Variants in ABCA13 observed in about 807,000 individuals in gnomAD.
ABCA13 encodes ATP-binding cassette sub-family A member 13.
ABCA13 carries 476 observed loss-of-function variants against 478.7 expected under a neutral mutation model. That is an observed-to-expected ratio of 0.99 (90% CI 0.92 to 1.07). The LOEUF is 1.07. Ranked by LOEUF, ABCA13 falls within the 50% of genes least tolerant of loss-of-function variation. ABCA13 has a pLI of 0.00. For synonymous variants in ABCA13, 2,252 were observed against 2,158.9 expected, an observed-to-expected ratio of 1.04 and a Z score of -1.20; for missense variants, 6,060 against 5,910.6, an observed-to-expected ratio of 1.03 and a Z score of -0.83.
intron 55 of ABCA13, among the ~76,000 whole-genome samples, chr7:48,568,327 A>G (rs534710333): frequency 6.6e-6 from 1 of 152,196 alleles, no homozygotes; most frequent in African/African-American, 2.4e-5. Flanking sequence ...AGGGTATTGA[A>G]TTTTGTCAAA....
At chr7:48,212,917 T>C (rs1275169237) in intron 3 of ABCA13, among the ~76,000 whole-genome samples, 1 of 152,136 alleles carries the variant, frequency 6.6e-6, no homozygotes, top group Non-Finnish European at 1.5e-5. Context: ...AAGGGTTATT[T>C]TGATAAAATA....
At chr7:48,459,802 G>A (rs1826057241) in intron 43 of ABCA13, among the ~76,000 whole-genome samples, 1 of 152,150 alleles carries the variant, frequency 6.6e-6, no homozygotes, top group African/African-American at 2.4e-5. Flanking sequence ...ACTTGGACAG[G>A]CAGCAGACAA....
intron 40 of ABCA13, among the ~76,000 whole-genome samples, chr7:48,411,173 TTCTTTCTTTC>T (rs1416925991): frequency 7.1e-6 from 1 of 141,516 alleles, no homozygotes; most frequent in East Asian, 2.1e-4. Context: ...TTCTCTTTCT[TTCTTTCTTTC>T]TCTTTCTTTC....
intron 6 of ABCA13, among the ~76,000 whole-genome samples, chr7:48,228,621 C>T (rs148250649): frequency 1.4e-3 from 214 of 152,264 alleles, no homozygotes; most frequent in Middle Eastern, 0.014. Context: ...GGGCCAGGGA[C>T]AGGTGCTCCC....
intron 52 of ABCA13, 95 bp from the exon 53 acceptor site, chr7:48,519,946 C>T (rs943565731): frequency 3.9e-6 from 5 of 1,291,880 alleles, no homozygotes; most frequent in African/African-American, 1.5e-5. Flanking sequence ...ACCTGGAACA[C>T]AGAGCTAACC....
intron 51 of ABCA13, among the ~76,000 whole-genome samples, chr7:48,512,032 T>G (rs1831729097): frequency 6.6e-6 from 1 of 150,640 alleles, no homozygotes; most frequent in South Asian, 2.1e-4. Flanking sequence ...TATAGGTGGG[T>G]GGGTGGATGG....
At chr7:48,511,972 T>G (rs1228072527) in intron 51 of ABCA13, among the ~76,000 whole-genome samples, 4 of 152,140 alleles carry the variant, frequency 2.6e-5, no homozygotes, top group Non-Finnish European at 5.9e-5. Context: ...AAACATCTAA[T>G]TAGAGACAGA....
chr7:48,475,736 T>C (rs967941630), intron 45 of ABCA13, among the ~76,000 whole-genome samples: 1 of 151,996 alleles, frequency 6.6e-6, no homozygotes, highest in East Asian at 1.9e-4. Flanking sequence ...AGTGCTGGGG[T>C]TGCAGGTGTG....
In ABCA13 at chr7:48,372,475, G is replaced by A. The variant is rs752706738; in HGVS notation, c.11111G>A (p.Ser3704Asn). Residue 3704 changes from serine (S) to asparagine (N), a missense_variant, in exon 33 of 62, where the codon AGT (serine) becomes AAT (asparagine). This residue lies in a region of ABCA13 where 4,423 missense variants were observed against 4,309.1 expected (regional missense o/e 1.03). Transcript: ENST00000435803. ...IVLLVLHNQL[S>N]FVNQTFLCLL... Reference sequence around the variant, plus strand: ...CTATTGGTTCTACATAACCAATTAAGTTTTGTTAATCAGACATTTCTGGTA... The same window carrying A: ...CTATTGGTTCTACATAACCAATTAAATTTTGTTAATCAGACATTTCTGGTA... The A allele has an allele frequency of 8.5e-6, 12 of 1,404,272 alleles. No individual in the cohort carries two copies. The highest frequency in any genetic ancestry group is 8.0e-5 in the Admixed American group (4 of 49,830). The allele number at this position is 1,404,272 out of a possible 1,614,324, so 87.0% of individuals were successfully genotyped here. A position where few individuals can be genotyped will look rare whatever the true frequency, so the allele number is the denominator to read the frequency against.
At chr7:48,403,913 C>T in intron 39 of ABCA13, 34 bp downstream of exon 39, 1 of 1,591,394 alleles carries the variant, frequency 6.3e-7, no homozygotes, top group Non-Finnish European at 8.6e-7. Context: ...CTTCTCTTCC[C>T]ACAATATTGT....
intron 55 of ABCA13, among the ~76,000 whole-genome samples, chr7:48,538,515 A>T (rs1833749355): frequency 6.6e-6 from 1 of 152,154 alleles, no homozygotes; most frequent in African/African-American, 2.4e-5. Flanking sequence ...ATATAATTAT[A>T]TAATCTGTAC....
intron 15 of ABCA13, among the ~76,000 whole-genome samples, chr7:48,260,718 T>C (rs1230931923): frequency 6.6e-6 from 1 of 151,954 alleles, no homozygotes; most frequent in African/African-American, 2.4e-5. Flanking sequence ...TATAAATGTC[T>C]TCTTCTATTT....
chr7:48,399,140 G>A (rs1487231644), intron 38 of ABCA13, among the ~76,000 whole-genome samples: 1 of 152,204 alleles, frequency 6.6e-6, no homozygotes, highest in African/African-American at 2.4e-5. Context: ...CATCTTAGGA[G>A]TTTTGCTGCA....
At position 48,503,039 on chromosome 7, in the gene ABCA13, A is replaced by G. The variant is rs966001455; in HGVS notation, c.13292-3297A>G. The stretch of plus-strand genomic sequence containing the variant: ...CAAAACATTATTAACTGTAGTTGCC[A>G]TGCTATACATTAGGTCTCCAGAACT... On this transcript the variant is annotated intron_variant, in intron 48 of 61. Transcript: ENST00000435803. Among the ~76,000 whole-genome samples, 5 of 152,212 alleles carry G rather than the reference A, an allele frequency of 3.3e-5. No individual in the cohort carries two copies. In the South Asian group the frequency reaches 6.2e-4, roughly 19 times the overall value.
At chr7:48,192,735 G>T (rs1273791397) in intron 1 of ABCA13, among the ~76,000 whole-genome samples, 1 of 152,068 alleles carries the variant, frequency 6.6e-6, no homozygotes, top group Non-Finnish European at 1.5e-5. Context: ...TGCAGAAAAA[G>T]GAAAGAAGCA....
chr7:48,361,040 G>A (rs919780477), intron 31 of ABCA13, among the ~76,000 whole-genome samples: 3 of 151,244 alleles, frequency 2.0e-5, no homozygotes, highest in Non-Finnish European at 4.4e-5. Context: ...AGGCTACAGT[G>A]AGCCCAGATC....
chr7:48,259,498 G>A (rs1006187472), intron 15 of ABCA13, among the ~76,000 whole-genome samples: 2 of 151,954 alleles, frequency 1.3e-5, no homozygotes, highest in African/African-American at 4.8e-5. Flanking sequence ...GGGTGTCATC[G>A]CATGTGAGAT....
chr7:48,501,687 G>A (rs936665413), intron 48 of ABCA13, among the ~76,000 whole-genome samples: 21 of 152,148 alleles, frequency 1.4e-4, no homozygotes, highest in Non-Finnish European at 2.2e-4. Flanking sequence ...GCAAAAAATC[G>A]GAAAAGGCAG....
chr7:48,602,456 C>T (rs975460208), intron 58 of ABCA13, among the ~76,000 whole-genome samples: 3 of 152,152 alleles, frequency 2.0e-5, no homozygotes, highest in Non-Finnish European at 4.4e-5. Context: ...ACCCAGTTTT[C>T]CCGACACCAT....
Sources: gnomAD v4.1 joint callset for allele counts (sites outside exome capture counted in the v4.1 genomes callset) on GRCh38, gnomAD v4.1.1 for gene constraint, gnomAD v4.1.1 regional missense constraint, MANE v1.5 for transcripts, NCBI Gene and HGNC (gene_info 2026-07-23, HGNC 2026-07-21) for gene names.